ZNF185: variants seen among roughly 807,000 people sequenced by gnomAD.
The protein encoded by ZNF185 is zinc finger protein 185 with LIM domain.
In ZNF185, 56 loss-of-function variants were observed where a neutral mutation model predicts 58.6. The observed-to-expected ratio is 0.95, with a 90% CI of 0.77 to 1.19. ZNF185 has a LOEUF of 1.19. ZNF185 is among the 50% of genes most tolerant of loss of function. ZNF185 has a pLI of 0.00. For missense variants in ZNF185, 627 were observed against 573.5 expected, an observed-to-expected ratio of 1.09 and a Z score of -0.95; for synonymous variants, 230 against 215.9, an observed-to-expected ratio of 1.07 and a Z score of -0.57.
At chrX:152,943,126 T>A (rs2047418904) in intron 15 of ZNF185, among the ~76,000 whole-genome samples, 2 of 110,774 alleles carry the variant, frequency 1.8e-5, no homozygotes, top group Admixed American at 1.9e-4. Flanking sequence ...TGCCTTAACC[T>A]CCCAAGTAGC....
Position 152,970,549 on chromosome X carries a change from C to A in ZNF185, c.*8C>A. 1.7e-6 allele frequency: 2 copies of A among 1,203,556 alleles called. No individual in the cohort carries two copies. Among genetic ancestry groups the A allele is most frequent in the Non-Finnish European group, 2.3e-6 (2 of 888,568 alleles). ...TATGAGAAGCTCTTCTAGGTGGGTG[C>A]TGGCACTGCAAAGGACAAGTGGCCA... On this transcript the variant is annotated splice_region_variant and intron_variant, in intron 22 of 22. Transcript: ENST00000449285.
At chrX:152,912,364 C>T (rs1208244450), upstream of ZNF185, among the ~76,000 whole-genome samples, 1 of 109,402 alleles carries the variant, frequency 9.1e-6, no homozygotes, top group Non-Finnish European at 1.9e-5. Flanking sequence ...TGCCATGGGT[C>T]CCTCTGCCTC....
chrX:152,918,441 G>A (rs1318955505), intron 6 of ZNF185, among the ~76,000 whole-genome samples: 2 of 113,111 alleles, frequency 1.8e-5, no homozygotes, highest in African/African-American at 3.2e-5. Context: ...GTCATGGGTC[G>A]TGAGGCTGCT....
exon 8 of ZNF185, chrX:152,920,339 C>G (rs782397111): frequency 5.0e-6 from 6 of 1,210,760 alleles, no homozygotes; most frequent in Non-Finnish European, 6.7e-6. Flanking sequence ...TCAGAGGCTG[C>G]AAGCGGTGTT....
intron 22 of ZNF185, 121 bp downstream of exon 24, chrX:152,970,662 G>A (rs782206050): frequency 3.5e-6 from 2 of 570,133 alleles, no homozygotes; most frequent in East Asian, 3.6e-5. Flanking sequence ...TCTTCCTTAT[G>A]TTCAGGGGGC....
At chrX:152,899,105 C>T in the ZNF185 span, among the ~76,000 whole-genome samples, 5 of 111,937 alleles carry the variant, frequency 4.5e-5, no homozygotes, top group Admixed American at 9.4e-5. Flanking sequence ...CTTGCTGAGC[C>T]GTCGGCACGA....
chrX:152,932,994 G>A (rs1418250856), intron 14 of ZNF185, 23 bp downstream of exon 15: 4 of 1,106,569 alleles, frequency 3.6e-6, no homozygotes, highest in Admixed American at 2.6e-5. Flanking sequence ...GGGGAGGCAG[G>A]TTCTCTCATG....
At chrX:152,962,452 A>G (rs918270422) in intron 17 of ZNF185, among the ~76,000 whole-genome samples, 3 of 111,882 alleles carry the variant, frequency 2.7e-5, no homozygotes, top group African/African-American at 9.8e-5. Context: ...TATTCTGCTG[A>G]CATGGATCAC....
intron 15 of ZNF185, among the ~76,000 whole-genome samples, chrX:152,944,811 C>A (rs1556892982): frequency 9.5e-6 from 1 of 105,414 alleles, no homozygotes; most frequent in African/African-American, 3.3e-5. Context: ...ATGGTGAAAC[C>A]TTGTCTCTAC....
exon 7 of ZNF185, chrX:152,919,025 C>T (rs782394332): frequency 3.3e-6 from 4 of 1,203,018 alleles, no homozygotes; most frequent in East Asian, 3.0e-5. Flanking sequence ...CAGGGGACAC[C>T]GAGGAGGAGG....
At chrX:152,918,846 CAG>C (rs1556867817) in intron 6 of ZNF185, 135 bp from the exon 8 acceptor site, 9 of 461,738 alleles carry the variant, frequency 1.9e-5, no homozygotes, top group Non-Finnish European at 3.4e-5. Context: ...GAGCTGGTCT[CAG>C]GGAGGAACAA....
chrX:152,968,041 T>A (rs782450861), intron 20 of ZNF185, among the ~76,000 whole-genome samples: 1 of 111,514 alleles, frequency 9.0e-6, no homozygotes, highest in Non-Finnish European at 1.9e-5. Context: ...CAAAGCTACA[T>A]TGGGGAGGAA....
chrX:152,905,750 C>T, the ZNF185 span, among the ~76,000 whole-genome samples: 1 of 110,369 alleles, frequency 9.1e-6, no homozygotes, highest in African/African-American at 3.3e-5. Context: ...GAGGGAACTG[C>T]CTCCCTCTCA....
intron 17 of ZNF185, 86 bp from the exon 20 acceptor site, chrX:152,963,753 A>T: frequency 1.2e-6 from 1 of 837,677 alleles, no homozygotes. Flanking sequence ...GCAGTGCTCA[A>T]GGGTTAGGCT....
intron 3 of ZNF185, 81 bp downstream of exon 4, chrX:152,915,284 G>A (rs1938211294): frequency 4.8e-6 from 5 of 1,041,786 alleles, no homozygotes; most frequent in African/African-American, 3.7e-5. Flanking sequence ...AACAGGGAGG[G>A]GTGGGCAGTC....
At chrX:152,960,251 G>A (rs1294254878) in intron 17 of ZNF185, among the ~76,000 whole-genome samples, 3 of 112,338 alleles carry the variant, frequency 2.7e-5, no homozygotes, top group Non-Finnish European at 5.6e-5. Flanking sequence ...GTGCCATGGT[G>A]TGGATGTGAT....
chrX:152,967,777 G>A lies in ZNF185; in HGVS notation c.1871+539G>A, dbSNP rs139283029. Among the ~76,000 whole-genome samples, 447 of 112,188 alleles carry A rather than the reference G, an allele frequency of 4.0e-3. 2 individuals are homozygous for A. The highest frequency in any genetic ancestry group is 0.014 in the African/African-American group (425 of 30,869). ...TCACTAGATGATGGCACAGTCACTA[G>A]AGAGTCTTAATGACAAAGAAATCTT... is the stretch of plus-strand genomic sequence containing the variant. On this transcript the variant is annotated intron_variant, in intron 20 of 22. Coordinates refer to ENST00000449285, the Ensembl canonical transcript of ZNF185.
intron 16 of ZNF185, among the ~76,000 whole-genome samples, chrX:152,950,499 AT>A (rs782112486): frequency 5.1e-4 from 57 of 112,107 alleles, no homozygotes; most frequent in Non-Finnish European, 7.7e-4. Context: ...CCCGCTAGGA[AT>A]TCTATGGAAT....
chrX:152,962,170 C>T (rs1410164911), intron 17 of ZNF185, among the ~76,000 whole-genome samples: 2 of 110,939 alleles, frequency 1.8e-5, no homozygotes, highest in African/African-American at 6.6e-5. Context: ...TTGGAGGGTA[C>T]GGGGTGAGGT....
Sources: gnomAD v4.1 joint callset for allele counts (sites outside exome capture counted in the v4.1 genomes callset) on GRCh38, gnomAD v4.1.1 for gene constraint, MANE v1.5 for transcripts, NCBI Gene and HGNC (gene_info 2026-07-23, HGNC 2026-07-21) for gene names.